LHFPL3: variants seen among roughly 807,000 people sequenced by gnomAD.
LHFPL3 encodes LHFPL tetraspan subfamily member 3 protein.
LHFPL3 carries 5 observed loss-of-function variants against 19.3 expected under a neutral mutation model. That is an observed-to-expected ratio of 0.26 (90% CI 0.14 to 0.54). The LOEUF is 0.54. Ranked by LOEUF, LHFPL3 falls within the 20% of genes least tolerant of loss-of-function variation. The pLI is 0.94. For missense variants in LHFPL3, 249 were observed against 307.4 expected, an observed-to-expected ratio of 0.81 and a Z score of 1.42; for synonymous variants, 133 against 126.2, an observed-to-expected ratio of 1.05 and a Z score of -0.36.
intron 1 of LHFPL3, among the ~76,000 whole-genome samples, chr7:104,626,227 G>GA (rs1427008026): frequency 2.0e-5 from 3 of 152,132 alleles, no homozygotes; most frequent in Admixed American, 6.6e-5. Flanking sequence ...TGCTATGTGT[G>GA]ACTCATTATC....
intron 1 of LHFPL3, among the ~76,000 whole-genome samples, chr7:104,580,365 A>G (rs537933205): frequency 1.6e-4 from 25 of 152,262 alleles, no homozygotes; most frequent in Non-Finnish European, 2.6e-4. Flanking sequence ...GAAAAGTTTA[A>G]AGAATTGTAC....
intron 1 of LHFPL3, among the ~76,000 whole-genome samples, chr7:104,476,091 C>T (rs1457595308): frequency 6.6e-6 from 1 of 152,116 alleles, no homozygotes; most frequent in African/African-American, 2.4e-5. Flanking sequence ...TTATTAAATG[C>T]TGTCCGAAGC....
intron 1 of LHFPL3, among the ~76,000 whole-genome samples, chr7:104,365,196 G>A (rs111647499): frequency 0.045 from 6,785 of 152,246 alleles, 238 homozygotes; most frequent in Non-Finnish European, 0.068. Flanking sequence ...CTATTCTAGA[G>A]GCTGAGGCAG....
intron 2 of LHFPL3, among the ~76,000 whole-genome samples, chr7:104,819,164 C>G (rs1790627362): frequency 1.3e-5 from 2 of 152,022 alleles, no homozygotes; most frequent in Admixed American, 1.3e-4. Context: ...CTTGATCCTG[C>G]TTTAAAAAAA....
intron 1 of LHFPL3, among the ~76,000 whole-genome samples, chr7:104,674,372 C>CTTTTTT (rs531335106): frequency 1.0e-4 from 14 of 134,656 alleles, no homozygotes; most frequent in East Asian, 2.1e-4. Context: ...TTTTCTTTTT[C>CTTTTTT]TTTTTTTTTT....
chr7:104,388,653 C>A (rs1261762177), intron 1 of LHFPL3, among the ~76,000 whole-genome samples: 1 of 152,024 alleles, frequency 6.6e-6, no homozygotes, highest in African/African-American at 2.4e-5. Flanking sequence ...TGCTAGCAAC[C>A]TGAATCCAGC....
rs71155504 is a variant in LHFPL3, at chr7:104,532,318, C to CTTTT, written c.445+203113_445+203116dup. Among the ~76,000 whole-genome samples, 308 of 87,192 alleles carry CTTTT rather than the reference C, an allele frequency of 3.5e-3. 1 individual carries two copies. Among genetic ancestry groups the CTTTT allele is most frequent in the South Asian group, 4.9e-3 (10 of 2,040 alleles). 57.2% of individuals were successfully genotyped at this position (87,192 alleles called of 152,430 possible). A position where few individuals can be genotyped will look rare whatever the true frequency, so the allele number is the denominator to read the frequency against. On this transcript the variant is annotated intron_variant, in intron 1 of 2. Coordinates refer to ENST00000424859, the MANE Select transcript of LHFPL3 (RefSeq NM_199000.3). ...TTTCTTTTTTTCTTTTTCTTTCTGTCTTTTTTTTTTTTTTTTTTTTTTGGT... is the reference window on the plus strand; with the variant it reads ...TTTCTTTTTTTCTTTTTCTTTCTGTCTTTTTTTTTTTTTTTTTTTTTTTTTTGGT...
intron 1 of LHFPL3, among the ~76,000 whole-genome samples, chr7:104,547,719 C>T (rs1391931235): frequency 1.3e-5 from 2 of 151,956 alleles, no homozygotes; most frequent in Non-Finnish European, 2.9e-5. Flanking sequence ...ACTTCATGGC[C>T]CTTTCTCATA....
intron 1 of LHFPL3, among the ~76,000 whole-genome samples, chr7:104,730,137 T>A (rs923057662): frequency 6.6e-6 from 1 of 152,210 alleles, no homozygotes; most frequent in African/African-American, 2.4e-5. Context: ...CTTAATCTAG[T>A]CTATCATTGT....
chr7:104,639,670 G>A (rs1037415555), intron 1 of LHFPL3, among the ~76,000 whole-genome samples: 3 of 152,094 alleles, frequency 2.0e-5, no homozygotes, highest in Non-Finnish European at 4.4e-5. Flanking sequence ...TTTGGGAATG[G>A]GAAGGAATAT....
At chr7:104,527,893 A>G (rs947970744) in intron 1 of LHFPL3, among the ~76,000 whole-genome samples, 2 of 152,228 alleles carry the variant, frequency 1.3e-5, no homozygotes, top group African/African-American at 4.8e-5. Flanking sequence ...AAAACACTGT[A>G]ACAAGGGCAG....
intron 1 of LHFPL3, among the ~76,000 whole-genome samples, chr7:104,407,117 G>A (rs1449082146): frequency 2.0e-5 from 3 of 152,076 alleles, no homozygotes; most frequent in African/African-American, 7.2e-5. Context: ...ATCTGACCTC[G>A]TACTGGATAC....
chr7:104,505,642 GA>G (rs769977115), intron 1 of LHFPL3, among the ~76,000 whole-genome samples: 16 of 152,216 alleles, frequency 1.1e-4, no homozygotes, highest in Middle Eastern at 3.4e-3. Context: ...ATCATATGTA[GA>G]AAACATATTT....
chr7:104,534,846 CTATTTCTTTATA>C (rs542972827), intron 1 of LHFPL3, among the ~76,000 whole-genome samples: 150 of 152,230 alleles, frequency 9.9e-4, no homozygotes, highest in African/African-American at 3.4e-3. Flanking sequence ...CTGAATTATT[CTATTTCTTTATA>C]TATTTCTTAA....
In LHFPL3 at chr7:104,750,239, C is replaced by T. The variant is rs546556382; in HGVS notation, c.682+13328C>T. 4.6e-3 allele frequency among the ~76,000 whole-genome samples: 697 copies of T among 152,202 alleles called. 2 individuals carry two copies. Among genetic ancestry groups the T allele is most frequent in the African/African-American group, 0.016 (646 of 41,516 alleles). ...CAATTTTTTGGCCACTGATTTAAAG[C>T]AATGATAGAGACATCTGCTCCAGTG... On this transcript the variant is annotated intron_variant, in intron 2 of 2. Coordinates refer to ENST00000424859, the MANE Select transcript of LHFPL3 (RefSeq NM_199000.3).
At chr7:104,734,477 A>C (rs113011197) in intron 1 of LHFPL3, among the ~76,000 whole-genome samples, 1,639 of 152,136 alleles carry the variant, frequency 0.011, 26 homozygotes, top group East Asian at 0.054. Context: ...TTTGATCTTC[A>C]ATCACTGATA....
chr7:104,512,756 G>T (rs529288811), intron 1 of LHFPL3, among the ~76,000 whole-genome samples: 1 of 152,040 alleles, frequency 6.6e-6, no homozygotes, highest in Admixed American at 6.6e-5. Context: ...AAAAAAGAGA[G>T]AGAGAGAGAA....
chr7:104,762,618 A>T (rs914993518), intron 2 of LHFPL3, among the ~76,000 whole-genome samples: 1 of 152,196 alleles, frequency 6.6e-6, no homozygotes, highest in African/African-American at 2.4e-5. Flanking sequence ...TTGAGCCCAG[A>T]GCTGTGAAGA....
chr7:104,632,752 T>A (rs1381152326), intron 1 of LHFPL3, among the ~76,000 whole-genome samples: 1 of 152,184 alleles, frequency 6.6e-6, no homozygotes, highest in East Asian at 1.9e-4. Context: ...GCTCAGGTGA[T>A]CCTCCCACCT....
Sources: allele counts gnomAD v4.1 joint callset (sites outside exome capture counted in the v4.1 genomes callset), GRCh38; gene constraint gnomAD v4.1.1; transcripts MANE v1.5; gene names NCBI Gene and HGNC (gene_info 2026-07-23, HGNC 2026-07-21).